Variants in TMEM129 observed in about 807,000 individuals in gnomAD.
The protein encoded by TMEM129 is transmembrane protein 129, E3 ubiquitin ligase, also known as E3 ubiquitin-protein ligase TM129.
Under a neutral mutation model 34.1 loss-of-function variants are expected in TMEM129, and 35 were observed. That is an observed-to-expected ratio of 1.03 (90% CI 0.78 to 1.36). The LOEUF (loss-of-function observed/expected upper bound fraction) is 1.36, where lower values mean the gene tolerates loss of function less well. Among genes scored for constraint, TMEM129 ranks in the 40% most tolerant of loss-of-function variants. The pLI is 0.00. For synonymous variants in TMEM129, 239 were observed against 217.3 expected, an observed-to-expected ratio of 1.10 and a Z score of -0.88; for missense variants, 504 against 512.6, an observed-to-expected ratio of 0.98 and a Z score of 0.16.
chr4:1,718,313 C>G lies in TMEM129; in HGVS notation c.519G>C (p.Lys173Asn), dbSNP rs138231306. 6.2e-7 allele frequency: 1 copy of G among 1,613,466 alleles called. No homozygotes were observed. The highest frequency in any genetic ancestry group is 8.5e-7 in the Non-Finnish European group (1 of 1,179,932). ...CCACGTGCACTCGGTAGGTGGTTAC[C>G]TTCATCACCCACGTGTCTGTCACAA... is the stretch of plus-strand genomic sequence containing the variant. ...RVIVTDTWVM[K>N]VTTYRVHVAQ... is the part of the protein sequence containing the mutation. Residue 173 changes from lysine to asparagine, a missense_variant, in exon 2 of 4, where the codon AAG (lysine) becomes AAC (asparagine). Lys to Asn is a moderately conservative substitution (Grantham distance 94, BLOSUM62 0). Transcript: ENST00000382936.
rs529199383 is a variant in TMEM129, at chr4:1,720,209, G to A, written c.205+424C>T. On this transcript the variant is annotated intron_variant, in intron 1 of 3. Transcript: ENST00000382936. The surrounding 1 kb of genome is among the most constrained non-coding windows in gnomAD (Gnocchi z 4.4). ...CCAAACTGGAACTGCCTCCAAATCC[G>A]CCTGTTCTCTCCACACCCACCTTCC... is the stretch of plus-strand genomic sequence containing the variant. Among the ~76,000 whole-genome samples the A allele has an allele frequency of 4.6e-5, 7 of 152,226 alleles. No individual in the cohort carries two copies. In the East Asian group the frequency reaches 1.4e-3, roughly 29 times the overall value.
At chr4:1,719,170 G>C in intron 1 of TMEM129, 1 of 673,314 alleles carries the variant, frequency 1.5e-6, no homozygotes, top group South Asian at 1.5e-5. Context: ...GTGAGGAGTT[G>C]CACCAGCAGG....
intron 2 of TMEM129, 90 bp from the exon 3 acceptor site, chr4:1,717,765 G>T: frequency 2.1e-6 from 3 of 1,427,568 alleles, no homozygotes; most frequent in Non-Finnish European, 2.8e-6. Flanking sequence ...GGCAGCTGTC[G>T]CACCAGGACC....
At chr4:1,719,329 G>C (rs767021664) in intron 1 of TMEM129, 5 of 426,722 alleles carry the variant, frequency 1.2e-5, no homozygotes, top group Non-Finnish European at 2.4e-5. Flanking sequence ...CGAGGCGGAC[G>C]GATCACGAGG....
In TMEM129 at chr4:1,718,359, C is replaced by T. The variant is rs777534516; in HGVS notation, c.473G>A (p.Gly158Asp). The T allele has an allele frequency of 6.2e-7, 1 of 1,613,156 alleles. No homozygotes were observed. Among genetic ancestry groups the T allele is most frequent in the South Asian group, 1.1e-5 (1 of 90,884 alleles). The change falls in exon 2 of 4, where the codon GGT becomes GAT. Residue 158 changes from glycine (G) to aspartate (D), a missense_variant. Transcript: ENST00000382936. Reference protein sequence around the residue: ...EFRRIDKFATGAPGARVIVTD... With the variant: ...EFRRIDKFATDAPGARVIVTD... ...CACAATCACACGGGCACCTGGTGCA[C>T]CGGTGGCAAACTTGTCAATCCGCCG...
chr4:1,719,336 G>A, intron 1 of TMEM129: 1 of 423,386 alleles, frequency 2.4e-6, no homozygotes, highest in South Asian at 1.7e-5. Flanking sequence ...GACGGATCAC[G>A]AGGTCAGATC....
chr4:1,718,351 C>G lies in TMEM129; in HGVS notation c.481G>C (p.Gly161Arg). The G allele has an allele frequency of 1.9e-6, 3 of 1,613,320 alleles. No homozygotes were observed. The highest frequency in any genetic ancestry group is 2.2e-5 in the East Asian group (1 of 44,880). The change falls in exon 2 of 4, where the codon GGT becomes CGT. Residue 161 changes from glycine (G) to arginine (R), a missense_variant. Gly to Arg is a moderately radical substitution (Grantham distance 125). Transcript: ENST00000382936. ...GTGTCTGTCACAATCACACGGGCAC[C>G]TGGTGCACCGGTGGCAAACTTGTCA... Reference protein sequence around the residue: ...RIDKFATGAPGARVIVTDTWV... With the variant: ...RIDKFATGAPRARVIVTDTWV...
At position 1,717,543 on chromosome 4, in the gene TMEM129, G is replaced by A; in HGVS notation, c.813C>T (p.Asn271=). ...GGCTGCTGGGCACTGAGTAGGCCGG[G>A]TTGACCTCTACCAGGGAGGCAAATG... The part of the protein sequence containing the change: ...LETFASLVEV[N]PAYSVPSSQE... Residue 271 remains asparagine (N), a synonymous_variant, in exon 3 of 4, where the codon AAC becomes AAT. Transcript: ENST00000382936. 6.5e-7 allele frequency: 1 copy of A among 1,544,662 alleles called. No homozygotes were observed. The highest frequency in any genetic ancestry group is 8.7e-7 in the Non-Finnish European group (1 of 1,143,248).
intron 2 of TMEM129, 118 bp from the exon 3 acceptor site, chr4:1,717,793 CTA>C: frequency 7.3e-7 from 1 of 1,367,568 alleles, no homozygotes; most frequent in Non-Finnish European, 9.7e-7. Flanking sequence ...AGAGATGGCC[CTA>C]AGGCCAGAGC....
At position 1,717,581 on chromosome 4, in the gene TMEM129, G is replaced by A. The variant is rs1717034485; in HGVS notation, c.775C>T (p.Leu259=). ...AGGGAGGCAAATGTCTCCAGGAACA[G>A]GTCGCCCAGGCTCTGGTGGATGACC... ...HVVIHQSLGD[L]FLETFASLVE... The change falls in exon 3 of 4, where the codon CTG becomes TTG. Residue 259 remains leucine (L), a synonymous_variant. Coordinates refer to ENST00000382936, the MANE Select transcript of TMEM129 (RefSeq NM_001127266.2). 2 of 1,549,898 alleles carry A rather than the reference G, an allele frequency of 1.3e-6. No homozygotes were observed. The highest frequency in any genetic ancestry group is 1.7e-6 in the Non-Finnish European group (2 of 1,146,388).
In TMEM129 at chr4:1,717,588, C is replaced by G; in HGVS notation, c.768G>C (p.Leu256=). ...RAAHVVIHQS[L]GDLFLETFAS... ...CAAATGTCTCCAGGAACAGGTCGCC[C>G]AGGCTCTGGTGGATGACCACATGGG... The change falls in exon 3 of 4, where the codon CTG becomes CTC. Residue 256 remains leucine, a synonymous_variant. Transcript: ENST00000382936. 6.5e-7 allele frequency: 1 copy of G among 1,550,052 alleles called. No homozygotes were observed.
chr4:1,717,868 G>T, intron 2 of TMEM129, 193 bp from the exon 3 acceptor site: 11 of 782,906 alleles, frequency 1.4e-5, no homozygotes, highest in Non-Finnish European at 1.6e-5. Flanking sequence ...CAAGGCAGCT[G>T]TCCAGCCTGA....
rs747079140 is a variant in TMEM129 at position 1,720,774 on chromosome 4, T to C, written c.64A>G (p.Thr22Ala). Reference protein sequence around the residue: ...YLVFAVCFVFTPNEFHAAGLT... With the variant: ...YLVFAVCFVFAPNEFHAAGLT... The stretch of plus-strand genomic sequence containing the variant: ...CCCGCCGCGTGGAACTCGTTGGGCG[T>C]GAACACGAAGCACACGGCGAACACC... Residue 22 changes from threonine to alanine, a missense_variant, in exon 1 of 4, where the codon ACG becomes GCG. By Grantham distance (58) the Thr-to-Ala change is moderately conservative. Transcript: ENST00000382936. This position sits in a 1 kb window ranked among gnomAD's most constrained non-coding sequence, Gnocchi z 4.4. 6.3e-7 allele frequency: 1 copy of C among 1,593,542 alleles called. No individual in the cohort carries two copies. Among genetic ancestry groups the C allele is most frequent in the South Asian group, 1.1e-5 (1 of 88,002 alleles).
chr4:1,717,768 C>T (rs1283493184), intron 2 of TMEM129, 93 bp from the exon 3 acceptor site: 2 of 1,423,764 alleles, frequency 1.4e-6, no homozygotes, highest in South Asian at 1.5e-5. Flanking sequence ...AGCTGTCGCA[C>T]CAGGACCAAC....
Position 1,718,450 on chromosome 4 carries a change from G to C in TMEM129, c.382C>G (p.Leu128Val). ...GACTGTGGGAGGGCGTAGAGGGCCAGGGTGCGCGCCAGTGGGTGGCAGGCC... is the reference window on the plus strand; with the variant it reads ...GACTGTGGGAGGGCGTAGAGGGCCACGGTGCGCGCCAGTGGGTGGCAGGCC... ...RWACHPLART[L>V]ALYALPQSGW... Residue 128 changes from leucine to valine, a missense_variant, in exon 2 of 4, where the codon CTG (leucine) becomes GTG (valine). Leu to Val is a conservative substitution (Grantham distance 32, BLOSUM62 1). Transcript: ENST00000382936. 1.9e-6 allele frequency: 3 copies of C among 1,575,296 alleles called. No homozygotes were observed. Among genetic ancestry groups the C allele is most frequent in the Non-Finnish European group, 2.6e-6 (3 of 1,159,688 alleles).
In TMEM129 at chr4:1,718,481, G is replaced by T. The variant is rs1235388779; in HGVS notation, c.351C>A (p.Asp117Glu). The T allele has an allele frequency of 4.5e-6, 7 of 1,552,078 alleles. No homozygotes were observed. Among genetic ancestry groups the T allele is most frequent in the Non-Finnish European group, 6.1e-6 (7 of 1,146,332 alleles). Residue 117 changes from aspartate (D) to glutamate (E), a missense_variant, in exon 2 of 4, where the codon GAC becomes GAA. Transcript: ENST00000382936. ...GCGCCAGTGGGTGGCAGGCCCACCG[G>T]TCACGGGACCAGTAGTAGATCAGGA... ...ACILIYYWSR[D>E]RWACHPLART...
rs186107721 is a variant in TMEM129 at position 1,720,104 on chromosome 4, C to A, written c.205+529G>T. Among the ~76,000 whole-genome samples the A allele has an allele frequency of 1.3e-5, 2 of 152,242 alleles. No homozygotes were observed. The highest frequency in any genetic ancestry group is 3.9e-4 in the East Asian group (2 of 5,164). On this transcript the variant is annotated intron_variant, in intron 1 of 3. Coordinates refer to ENST00000382936, the MANE Select transcript of TMEM129 (RefSeq NM_001127266.2). This position sits in a 1 kb window ranked among gnomAD's most constrained non-coding sequence, Gnocchi z 4.4. ...CCCCAGCTAGCACCTGGGGCCCAGC[C>A]CAGCACCCCCCTGGACAACTCTGAG...
chr4:1,719,506 G>A (rs1025231699), intron 1 of TMEM129, among the ~76,000 whole-genome samples: 3 of 152,200 alleles, frequency 2.0e-5, no homozygotes, highest in African/African-American at 4.8e-5. Flanking sequence ...GTGACAGAGC[G>A]AGGCTCCGTC....
At position 1,717,288 on chromosome 4, in the gene TMEM129, G is replaced by A. The variant is rs918386558; in HGVS notation, c.981C>T (p.Phe327=). The change falls in exon 4 of 4, where the codon TTC becomes TTT. Residue 327 remains phenylalanine, a synonymous_variant. Transcript: ENST00000382936. ...GGCGCAGGGGGTCCTGGCGGCTGGC[G>A]AACCACTTGCCCATGCAGGTGAGGC... is the stretch of plus-strand genomic sequence containing the variant. ...MWCLTCMGKW[F]ASRQDPLRPD... is the part of the protein sequence containing the mutation. The A allele has an allele frequency of 6.5e-6, 10 of 1,531,908 alleles. No individual in the cohort carries two copies. Among genetic ancestry groups the A allele is most frequent in the African/African-American group, 5.5e-5 (4 of 72,878 alleles). 94.9% of individuals were successfully genotyped at this position (1,531,908 alleles called of 1,614,324 possible). A position where few individuals can be genotyped will look rare whatever the true frequency, so the allele number is the denominator to read the frequency against.
Sources: gnomAD v4.1 joint callset for allele counts (sites outside exome capture counted in the v4.1 genomes callset) on GRCh38, gnomAD v4.1.1 for gene constraint, Gnocchi (gnomAD v3.1) non-coding constraint, MANE v1.5 for transcripts, NCBI Gene and HGNC (gene_info 2026-07-23, HGNC 2026-07-21) for gene names.